Variants in CFAP221 observed in about 807,000 individuals in gnomAD.
CFAP221 encodes the protein cilia- and flagella-associated protein 221.
CFAP221 carries 97 observed loss-of-function variants against 113.1 expected under a neutral mutation model. That is an observed-to-expected ratio of 0.86 (90% CI 0.73 to 1.02). The LOEUF (loss-of-function observed/expected upper bound fraction) is 1.02. Ranked by LOEUF, CFAP221 falls within the 50% of genes least tolerant of loss-of-function variation. The probability of loss-of-function intolerance (pLI) is 0.00; values close to 1 mark genes in which losing one functional copy is unlikely to be tolerated. For missense variants in CFAP221, 1,025 were observed against 1,013.4 expected (o/e 1.01, Z -0.16); for synonymous variants, 331 against 354.4 (o/e 0.93, Z 0.74).
chr2:119,559,350 G>A (rs967948514), intron 3 of CFAP221, among the ~76,000 whole-genome samples: 2 of 151,664 alleles, frequency 1.3e-5, no homozygotes, highest in Admixed American at 6.6e-5. Flanking sequence ...TGAATCGCAG[G>A]ACTAAATTGA....
At chr2:119,657,986 C>T (rs183256602), downstream of CFAP221, among the ~76,000 whole-genome samples, 1 of 152,300 alleles carries the variant, frequency 6.6e-6, no homozygotes, top group East Asian at 1.9e-4. Flanking sequence ...CCAAGTTTCT[C>T]CACTGGGACA....
At chr2:119,617,896 G>A (rs191165953) in intron 14 of CFAP221, among the ~76,000 whole-genome samples, 37 of 152,156 alleles carry the variant, frequency 2.4e-4, no homozygotes, top group East Asian at 9.7e-4. Flanking sequence ...CCTTTGTTCC[G>A]GCATCAGGAC....
At chr2:119,587,961 C>T (rs1683336100) in intron 7 of CFAP221, among the ~76,000 whole-genome samples, 1 of 151,986 alleles carries the variant, frequency 6.6e-6, no homozygotes, top group Non-Finnish European at 1.5e-5. Context: ...TCTAGAGGAC[C>T]AGGAGCCATT....
At chr2:119,621,981 G>C (rs923990299) in intron 14 of CFAP221, among the ~76,000 whole-genome samples, 1 of 150,288 alleles carries the variant, frequency 6.7e-6, no homozygotes, top group Admixed American at 6.6e-5. Flanking sequence ...AAAATAACTA[G>C]ACAAGCTAGC....
At chr2:119,603,774 A>G (rs866227952) in intron 8 of CFAP221, among the ~76,000 whole-genome samples, 38 of 152,236 alleles carry the variant, frequency 2.5e-4, no homozygotes, top group African/African-American at 8.0e-4. Flanking sequence ...GCAGAAAAAT[A>G]TAACTATTTA....
At chr2:119,655,274 G>A (rs1044225738) in intron 23 of CFAP221, among the ~76,000 whole-genome samples, 5 of 152,188 alleles carry the variant, frequency 3.3e-5, no homozygotes, top group Non-Finnish European at 7.3e-5. Flanking sequence ...TCAAGGAACT[G>A]TGAGACTGTG....
In CFAP221 at chr2:119,604,787, G is replaced by T. The variant is rs774047519; in HGVS notation, c.907G>T (p.Val303Leu). 2.6e-6 allele frequency: 4 copies of T among 1,559,844 alleles called. No homozygotes were observed. The African/African-American group carries it at 5.5e-5, about 22-fold the overall frequency. ...RPPAKPKPQK[V>L]KEIEYQNLRF... ...GCCAGCGAAGCCGAAGCCTCAGAAG[G>T]TGAAGGTACGGTGGGCCTTGTCCTT... The change falls in exon 9 of 24, where the codon GTG (valine) becomes TTG (leucine). Residue 303 changes from valine to leucine, a missense_variant. Coordinates refer to ENST00000413369, the MANE Select transcript of CFAP221 (RefSeq NM_001271049.2).
intron 19 of CFAP221, among the ~76,000 whole-genome samples, chr2:119,634,087 A>T (rs997347033): frequency 5.3e-5 from 8 of 152,154 alleles, no homozygotes; most frequent in African/African-American, 1.9e-4. Flanking sequence ...CTGCCTGGGC[A>T]ACAGAGTGAG....
intron 6 of CFAP221, chr2:119,586,857 C>A: frequency 3.1e-6 from 1 of 323,826 alleles, no homozygotes. Flanking sequence ...CTAACTATGT[C>A]ACCTTGTGTG....
In CFAP221 at chr2:119,638,282, T is replaced by C. The variant is rs765925885; in HGVS notation, c.1998T>C (p.Ala666=). ...YVFNPNPGLF[A]VMHPLTYAET... ...AGAATCCCAACCCAGGATTATTTGC[T>C]GTAATGCATCCTCTGACCTATGCAG... The change falls in exon 20 of 24, where the codon GCT becomes GCC. Residue 666 remains alanine, a synonymous_variant. Coordinates refer to ENST00000413369, the MANE Select transcript of CFAP221 (RefSeq NM_001271049.2). The C allele has an allele frequency of 1.9e-6, 3 of 1,614,084 alleles. No homozygotes were observed. Among genetic ancestry groups the C allele is most frequent in the Non-Finnish European group, 8.5e-7 (1 of 1,180,002 alleles).
intron 7 of CFAP221, among the ~76,000 whole-genome samples, chr2:119,599,809 CTG>C (rs1684241431): frequency 6.6e-6 from 1 of 152,252 alleles, no homozygotes; most frequent in Admixed American, 6.5e-5. Context: ...AGAATGTAAA[CTG>C]TGAGATCTGG....
chr2:119,569,187 G>A (rs766226220), intron 6 of CFAP221, among the ~76,000 whole-genome samples: 12 of 151,904 alleles, frequency 7.9e-5, no homozygotes, highest in Non-Finnish European at 1.6e-4. Context: ...AGGCTGGAGT[G>A]CAGTGGCACA....
At chr2:119,552,039 A>AT (rs1241488170) in intron 3 of CFAP221, among the ~76,000 whole-genome samples, 4 of 151,922 alleles carry the variant, frequency 2.6e-5, no homozygotes, top group African/African-American at 9.7e-5. Flanking sequence ...AAATATTGAC[A>AT]TTTTTTAAAT....
chr2:119,630,924 C>T, intron 19 of CFAP221, 23 bp downstream of exon 19: 1 of 1,607,982 alleles, frequency 6.2e-7, no homozygotes, highest in Non-Finnish European at 8.5e-7. Context: ...TGGCAGAAGC[C>T]TTGTTTTCTG....
intron 6 of CFAP221, among the ~76,000 whole-genome samples, chr2:119,565,058 A>G (rs1457938493): frequency 6.6e-6 from 1 of 152,086 alleles, no homozygotes; most frequent in African/African-American, 2.4e-5. Context: ...GAACTATCAG[A>G]CTTCTGCATT....
At position 119,549,135 on chromosome 2, in the gene CFAP221, A is replaced by T. The variant is rs1680251070; in HGVS notation, c.190A>T (p.Ile64Leu). The T allele has an allele frequency of 2.6e-6, 4 of 1,535,426 alleles. No homozygotes were observed. Among genetic ancestry groups the T allele is most frequent in the Middle Eastern group, 1.7e-4 (1 of 5,984 alleles). Reference protein sequence around the residue: ...NNKVIQARPGIIHFGGYQVEK... With the variant: ...NNKVIQARPGLIHFGGYQVEK... ...TAAGGTCATACAGGCAAGACCTGGCATAATACATTTTGGAGGCTATCAAGT... is the reference window on the plus strand; with the variant it reads ...TAAGGTCATACAGGCAAGACCTGGCTTAATACATTTTGGAGGCTATCAAGT... The change falls in exon 3 of 24, where the codon ATA (isoleucine) becomes TTA (leucine). Residue 64 changes from isoleucine to leucine, a missense_variant. Coordinates refer to ENST00000413369, the MANE Select transcript of CFAP221 (RefSeq NM_001271049.2).
chr2:119,621,798 A>G (rs1407798900), intron 14 of CFAP221, among the ~76,000 whole-genome samples: 1 of 152,232 alleles, frequency 6.6e-6, no homozygotes, highest in Non-Finnish European at 1.5e-5. Context: ...CTGGGTAAAT[A>G]ACGAAATGAA....
intron 5 of CFAP221, among the ~76,000 whole-genome samples, chr2:119,561,398 G>GT: frequency 6.6e-6 from 1 of 152,164 alleles, no homozygotes; most frequent in East Asian, 1.9e-4. Flanking sequence ...AAAATGCCAG[G>GT]ACACATTTCC....
At chr2:119,601,087 A>G in intron 7 of CFAP221, 131 bp from the exon 8 acceptor site, 1 of 913,480 alleles carries the variant, frequency 1.1e-6, no homozygotes, top group Non-Finnish European at 1.5e-6. Flanking sequence ...GTGGATTTTC[A>G]ATTGTGTGGG....
Sources: allele counts gnomAD v4.1 joint callset (sites outside exome capture counted in the v4.1 genomes callset), GRCh38; gene constraint gnomAD v4.1.1; transcripts MANE v1.5; gene names NCBI Gene and HGNC (gene_info 2026-07-23, HGNC 2026-07-21).